The following GRID1 variants were observed in gnomAD, a reference collection of about 807,000 sequenced individuals.
The protein encoded by GRID1 is glutamate ionotropic receptor delta type subunit 1.
GRID1 carries 28 observed loss-of-function variants against 98.0 expected under a neutral mutation model. The ratio of observed to expected loss-of-function variants is 0.29; its 90% CI spans 0.21 to 0.39. GRID1 has a LOEUF of 0.39. Among genes scored for constraint, GRID1 ranks in the 10% least tolerant of loss-of-function variants. GRID1 has a pLI of 1.00. For synonymous variants in GRID1, 553 were observed against 538.5 expected, an observed-to-expected ratio of 1.03 and a Z score of -0.37; for missense variants, 1,111 against 1,340.5, an observed-to-expected ratio of 0.83 and a Z score of 2.67.
chr10:86,263,938 G>A (rs1847061824), intron 2 of GRID1, among the ~76,000 whole-genome samples: 1 of 152,166 alleles, frequency 6.6e-6, no homozygotes, highest in African/African-American at 2.4e-5. Flanking sequence ...ACATTTTGCA[G>A]AGGAGCAAAC....
intron 12 of GRID1, among the ~76,000 whole-genome samples, chr10:85,661,877 C>T (rs1394271860): frequency 6.6e-6 from 1 of 152,190 alleles, no homozygotes; most frequent in Non-Finnish European, 1.5e-5. Flanking sequence ...AGCTGCTTGC[C>T]ATTCTTCAAG....
intron 4 of GRID1, among the ~76,000 whole-genome samples, chr10:85,951,609 A>T (rs530453475): frequency 6.6e-6 from 1 of 152,150 alleles, no homozygotes; most frequent in Non-Finnish European, 1.5e-5. Context: ...ATGAAGTTTC[A>T]TTGCACATTA....
chr10:86,278,850 A>G (rs1046968297), intron 2 of GRID1, among the ~76,000 whole-genome samples: 2 of 152,256 alleles, frequency 1.3e-5, no homozygotes, highest in African/African-American at 4.8e-5. Flanking sequence ...TGTTTAAGAA[A>G]GAAATGATAC....
chr10:85,886,726 A>C (rs1043844558), intron 5 of GRID1, among the ~76,000 whole-genome samples: 6 of 152,364 alleles, frequency 3.9e-5, no homozygotes, highest in African/African-American at 1.4e-4. Flanking sequence ...AGCCACAAAT[A>C]AAATAGTAAG....
intron 2 of GRID1, among the ~76,000 whole-genome samples, chr10:86,241,490 A>G (rs980228976): frequency 5.9e-5 from 9 of 152,222 alleles, no homozygotes; most frequent in African/African-American, 2.2e-4. Flanking sequence ...ACACCACCTC[A>G]GGCAGGGCCT....
At chr10:86,163,232 G>A (rs977428392) in intron 3 of GRID1, among the ~76,000 whole-genome samples, 3 of 152,108 alleles carry the variant, frequency 2.0e-5, no homozygotes, top group African/African-American at 4.8e-5. Flanking sequence ...TGGCACTTGC[G>A]TCTGAGCCTG....
intron 13 of GRID1, among the ~76,000 whole-genome samples, chr10:85,632,627 T>C (rs1210370240): frequency 1.3e-5 from 2 of 152,162 alleles, no homozygotes; most frequent in Non-Finnish European, 2.9e-5. Flanking sequence ...CACTGCAACC[T>C]CCACCTCCCA....
At chr10:85,655,182 C>G (rs1357738547) in intron 12 of GRID1, among the ~76,000 whole-genome samples, 1 of 152,206 alleles carries the variant, frequency 6.6e-6, no homozygotes, top group Non-Finnish European at 1.5e-5. Context: ...GCCTCCAAGT[C>G]TTCACTCAGG....
chr10:86,142,141 A>C (rs969062207), intron 3 of GRID1, among the ~76,000 whole-genome samples: 1 of 152,212 alleles, frequency 6.6e-6, no homozygotes, highest in Non-Finnish European at 1.5e-5. Context: ...AGAGTCAGGC[A>C]GGCACCCAGG....
intron 4 of GRID1, among the ~76,000 whole-genome samples, chr10:86,022,455 GT>G (rs1170721123): frequency 6.6e-6 from 1 of 152,044 alleles, no homozygotes; most frequent in Non-Finnish European, 1.5e-5. Context: ...AGGTCCCCTG[GT>G]CAGCCATGCT....
chr10:86,111,916 T>A (rs936176703), intron 4 of GRID1, among the ~76,000 whole-genome samples: 23 of 152,224 alleles, frequency 1.5e-4, no homozygotes, highest in African/African-American at 4.6e-4. Context: ...ACAGACGTTG[T>A]CTTTTCCAAG....
intron 4 of GRID1, among the ~76,000 whole-genome samples, chr10:86,109,086 C>T (rs1448693116): frequency 1.3e-5 from 2 of 152,150 alleles, no homozygotes; most frequent in African/African-American, 4.8e-5. Context: ...TCTCCTGACC[C>T]TTTTTTAAGC....
intron 4 of GRID1, among the ~76,000 whole-genome samples, chr10:85,960,192 G>A (rs189920697): frequency 8.0e-4 from 122 of 152,296 alleles, no homozygotes; most frequent in African/African-American, 2.6e-3. Context: ...GAGCCACCAC[G>A]CTCAGCCTCT....
At chr10:85,722,689 A>C (rs1447254639) in intron 12 of GRID1, among the ~76,000 whole-genome samples, 1 of 152,198 alleles carries the variant, frequency 6.6e-6, no homozygotes, top group African/African-American at 2.4e-5. Flanking sequence ...ATATTTATAA[A>C]ATTTTGATTA....
At chr10:86,220,508 CAAG>C (rs1271531787) in intron 2 of GRID1, among the ~76,000 whole-genome samples, 2 of 152,186 alleles carry the variant, frequency 1.3e-5, no homozygotes, top group African/African-American at 4.8e-5. Flanking sequence ...CCACCCACTG[CAAG>C]AAGAGTGAGA....
At chr10:85,862,964 A>G (rs1328006926) in intron 6 of GRID1, among the ~76,000 whole-genome samples, 3 of 152,168 alleles carry the variant, frequency 2.0e-5, no homozygotes, top group Non-Finnish European at 4.4e-5. Flanking sequence ...GAAACACTGC[A>G]CATTCCCCAG....
At chr10:86,147,743 T>C (rs756126709) in intron 3 of GRID1, among the ~76,000 whole-genome samples, 14 of 152,256 alleles carry the variant, frequency 9.2e-5, no homozygotes, top group Non-Finnish European at 1.9e-4. Context: ...CCTGCGTTAG[T>C]AAACAACTTG....
chr10:86,017,806 T>C (rs1024006430), intron 4 of GRID1, among the ~76,000 whole-genome samples: 2 of 152,056 alleles, frequency 1.3e-5, no homozygotes, highest in African/African-American at 2.4e-5. Context: ...GGATTCCAAG[T>C]AGGAAAGAGA....
rs183988013 is a variant in GRID1, at chr10:85,641,699, G to A, written c.2193+5503C>T. Among the ~76,000 whole-genome samples, 5 of 152,342 alleles carry A rather than the reference G, an allele frequency of 3.3e-5. No individual in the cohort carries two copies. In the South Asian group the frequency reaches 8.3e-4, roughly 25 times the overall value. ...GTCGGTTTCAGATGAAAGTATGAAT[G>A]CATGTAAATGATCTGGCCCAGTGCC... is the stretch of plus-strand genomic sequence containing the variant. On this transcript the variant is annotated intron_variant, in intron 13 of 15. Coordinates refer to ENST00000327946, the MANE Select transcript of GRID1 (RefSeq NM_017551.3).
Sources: allele counts gnomAD v4.1 joint callset (sites outside exome capture counted in the v4.1 genomes callset), GRCh38; gene constraint gnomAD v4.1.1; transcripts MANE v1.5; gene names NCBI Gene and HGNC (gene_info 2026-07-23, HGNC 2026-07-21).